The following GRXCR2 variants were observed in gnomAD, a reference collection of about 807,000 sequenced individuals.
GRXCR2 encodes the protein glutaredoxin domain-containing cysteine-rich protein 2.
A neutral mutation model predicts 24.8 loss-of-function variants in GRXCR2; 23 were observed. That is an observed-to-expected ratio of 0.93 (90% CI 0.67 to 1.32). The LOEUF (loss-of-function observed/expected upper bound fraction) is 1.32. Among genes scored for constraint, GRXCR2 ranks in the 40% most tolerant of loss-of-function variants. GRXCR2 has a pLI of 0.00. For synonymous variants in GRXCR2, 130 were observed against 116.1 expected, an observed-to-expected ratio of 1.12 and a Z score of -0.77; for missense variants, 315 against 303.4, an observed-to-expected ratio of 1.04 and a Z score of -0.28.
chr5:145,874,598 G>A (rs1380373409), upstream of GRXCR2, among the ~76,000 whole-genome samples: 1 of 152,162 alleles, frequency 6.6e-6, no homozygotes, highest in Non-Finnish European at 1.5e-5. Context: ...TAAAGTTGCA[G>A]CTGTCTCCCA....
chr5:145,905,112 C>T (rs1235521482), intron 2 of GRXCR2, among the ~76,000 whole-genome samples: 2 of 152,202 alleles, frequency 1.3e-5, no homozygotes, highest in African/African-American at 2.4e-5. Context: ...AAGCATGGTT[C>T]TTTGACTACC....
In GRXCR2 at chr5:145,859,448, C is replaced by T. The variant is rs1184172140; in HGVS notation, c.*285G>A. The T allele has an allele frequency of 2.3e-6, 1 of 427,470 alleles. No individual in the cohort carries two copies. Among genetic ancestry groups the T allele is most frequent in the African/African-American group, 2.0e-5 (1 of 48,784 alleles). 26.5% of individuals were successfully genotyped at this position (427,470 alleles called of 1,614,324 possible). A position where few individuals can be genotyped will look rare whatever the true frequency, so the allele number is the denominator to read the frequency against. ...TTTGCTCACTGAAGCAAGAAGAAAA[C>T]TGAGCTAAGTCAAGTGAGATACACT... is the stretch of plus-strand genomic sequence containing the variant. On this transcript the variant is annotated 3_prime_UTR_variant, in exon 3 of 3. Transcript: ENST00000377976.
intron 1 of GRXCR2, among the ~76,000 whole-genome samples, chr5:145,870,732 G>T (rs527823995): frequency 6.6e-6 from 1 of 152,074 alleles, no homozygotes; most frequent in African/African-American, 2.4e-5. Flanking sequence ...TGATTCCAGG[G>T]TGTGCAGCTA....
chr5:145,872,309 G>A (rs116550905), intron 1 of GRXCR2, among the ~76,000 whole-genome samples: 1 of 152,132 alleles, frequency 6.6e-6, no homozygotes, highest in Admixed American at 6.5e-5. Flanking sequence ...GTCTAAAACC[G>A]CAGTCTGACA....
intron 2 of GRXCR2, among the ~76,000 whole-genome samples, chr5:145,924,413 A>G (rs1757363652): frequency 6.6e-6 from 1 of 152,210 alleles, no homozygotes. Flanking sequence ...CAATAATAAT[A>G]CTAATTCCCC....
At chr5:145,912,949 G>A (rs145655004) in intron 2 of GRXCR2, among the ~76,000 whole-genome samples, 123 of 152,306 alleles carry the variant, frequency 8.1e-4, no homozygotes, top group African/African-American at 2.8e-3. Context: ...ATATGGAAAC[G>A]CTCTGATTTA....
At chr5:145,876,036 G>A (rs1756608212), upstream of GRXCR2, among the ~76,000 whole-genome samples, 1 of 150,826 alleles carries the variant, frequency 6.6e-6, no homozygotes, top group Admixed American at 6.6e-5. Context: ...GCATGGTGGT[G>A]CTTGTCTGTA....
chr5:145,884,984 C>T (rs1015990717), intron 2 of GRXCR2, among the ~76,000 whole-genome samples: 2 of 152,102 alleles, frequency 1.3e-5, no homozygotes, highest in Non-Finnish European at 2.9e-5. Flanking sequence ...TGAGTATGAA[C>T]ATTATCCTTT....
chr5:145,914,324 T>C (rs985984762), intron 2 of GRXCR2, among the ~76,000 whole-genome samples: 5 of 151,876 alleles, frequency 3.3e-5, no homozygotes, highest in Non-Finnish European at 7.4e-5. Context: ...GATCCTTTGG[T>C]AGGAAATCTT....
chr5:145,887,933 A>G (rs982769210), intron 2 of GRXCR2, among the ~76,000 whole-genome samples: 2 of 152,222 alleles, frequency 1.3e-5, no homozygotes, highest in Non-Finnish European at 2.9e-5. Context: ...ATTTGTTTTT[A>G]AAATATGTAG....
intron 2 of GRXCR2, among the ~76,000 whole-genome samples, chr5:145,926,634 T>G (rs1275260870): frequency 2.6e-5 from 4 of 152,180 alleles, no homozygotes; most frequent in South Asian, 2.1e-4. Context: ...ACTGTAGCCT[T>G]GTAGTATAGT....
chr5:145,880,492 G>C (rs978112587), intron 2 of GRXCR2, among the ~76,000 whole-genome samples: 1 of 150,428 alleles, frequency 6.6e-6, no homozygotes, highest in African/African-American at 2.4e-5. Flanking sequence ...CAAGACAGAA[G>C]AATCTCTGAA....
intron 2 of GRXCR2, among the ~76,000 whole-genome samples, chr5:145,862,917 G>A (rs972447830): frequency 1.3e-5 from 2 of 152,116 alleles, no homozygotes; most frequent in Non-Finnish European, 2.9e-5. Context: ...ATGGTGCCTG[G>A]CTATCATGAG....
At chr5:145,891,951 C>G (rs947855316) in intron 2 of GRXCR2, among the ~76,000 whole-genome samples, 1 of 152,160 alleles carries the variant, frequency 6.6e-6, no homozygotes, top group Admixed American at 6.5e-5. Context: ...GAGGAACGAT[C>G]AGGCAGCAAC....
chr5:145,909,642 G>C (rs1757137736), intron 2 of GRXCR2, among the ~76,000 whole-genome samples: 1 of 152,144 alleles, frequency 6.6e-6, no homozygotes, highest in Non-Finnish European at 1.5e-5. Context: ...TATAAGCATG[G>C]ACTTTGGCTT....
chr5:145,894,440 A>G (rs909084379), intron 2 of GRXCR2, among the ~76,000 whole-genome samples: 1 of 152,214 alleles, frequency 6.6e-6, no homozygotes, highest in African/African-American at 2.4e-5. Context: ...ATGAAAAATG[A>G]TAAAGGGGAT....
intron 1 of GRXCR2, among the ~76,000 whole-genome samples, chr5:145,867,521 G>A (rs1214990290): frequency 1.3e-5 from 2 of 152,046 alleles, no homozygotes; most frequent in Non-Finnish European, 2.9e-5. Flanking sequence ...AATAGCTTTT[G>A]TTCTCTTGCA....
intron 2 of GRXCR2, among the ~76,000 whole-genome samples, chr5:145,894,986 C>T (rs1756927953): frequency 6.6e-6 from 1 of 152,136 alleles, no homozygotes; most frequent in Non-Finnish European, 1.5e-5. Flanking sequence ...TCAACATACG[C>T]AAATCAATAA....
At chr5:145,866,940 G>T (rs1220276502) in intron 1 of GRXCR2, among the ~76,000 whole-genome samples, 1 of 152,080 alleles carries the variant, frequency 6.6e-6, no homozygotes, top group Non-Finnish European at 1.5e-5. Context: ...CCTGTTGATG[G>T]TGACCAATCA....
Sources: gnomAD v4.1 joint callset for allele counts (sites outside exome capture counted in the v4.1 genomes callset) on GRCh38, gnomAD v4.1.1 for gene constraint, MANE v1.5 for transcripts, NCBI Gene and HGNC (gene_info 2026-07-23, HGNC 2026-07-21) for gene names.